Variants in KCNIP4 observed in about 807,000 individuals in gnomAD.
KCNIP4 encodes Kv channel-interacting protein 4.
In KCNIP4, 12 loss-of-function variants were observed where a neutral mutation model predicts 34.0. That is an observed-to-expected ratio of 0.35 (90% CI 0.23 to 0.57). KCNIP4 has a LOEUF of 0.57. KCNIP4 is among the 20% of genes least tolerant of loss of function. The pLI, the probability that KCNIP4 is intolerant of heterozygous loss-of-function variation, is 0.83. For synonymous variants in KCNIP4, 124 were observed against 102.2 expected, an observed-to-expected ratio of 1.21 and a Z score of -1.29; for missense variants, 238 against 311.7, an observed-to-expected ratio of 0.76 and a Z score of 1.78.
At chr4:20,861,185 A>T (rs922609629) in intron 2 of KCNIP4, among the ~76,000 whole-genome samples, 2 of 152,026 alleles carry the variant, frequency 1.3e-5, no homozygotes, top group African/African-American at 4.8e-5. Context: ...ATATCATTTG[A>T]CCTCCCTGGA....
intron 1 of KCNIP4, among the ~76,000 whole-genome samples, chr4:21,838,833 A>G (rs765471585): frequency 6.6e-5 from 10 of 152,206 alleles, no homozygotes; most frequent in Non-Finnish European, 1.0e-4. Flanking sequence ...TGCCCATATT[A>G]TATCTGATCA....
At chr4:21,590,088 T>G (rs1366977506) in intron 1 of KCNIP4, among the ~76,000 whole-genome samples, 1 of 151,968 alleles carries the variant, frequency 6.6e-6, no homozygotes, top group Non-Finnish European at 1.5e-5. Context: ...TCTTGATGTT[T>G]TAGTATAAAA....
chr4:21,200,298 GTGTATATATATACATACATATA>G (rs1756374011), intron 1 of KCNIP4, among the ~76,000 whole-genome samples: 2 of 142,794 alleles, frequency 1.4e-5, no homozygotes, highest in East Asian at 4.2e-4. Context: ...GTGTGTGTGT[GTGTATATATATACATACATATA>G]TGTGTGTATA....
chr4:21,621,956 G>A (rs1401834750), intron 1 of KCNIP4, among the ~76,000 whole-genome samples: 5 of 152,112 alleles, frequency 3.3e-5, no homozygotes, highest in Non-Finnish European at 5.9e-5. Flanking sequence ...AGAACCTAAA[G>A]GGATCCTCAC....
chr4:21,122,663 G>A (rs1328285733), intron 1 of KCNIP4, among the ~76,000 whole-genome samples: 2 of 152,116 alleles, frequency 1.3e-5, no homozygotes, highest in East Asian at 3.9e-4. Context: ...CAATAAACCT[G>A]GTATTCAAAC....
intron 3 of KCNIP4, 87 bp from the exon 4 acceptor site, chr4:20,758,977 A>G: frequency 2.1e-6 from 2 of 974,538 alleles, no homozygotes; most frequent in South Asian, 2.8e-5. Context: ...ACTGTCTACC[A>G]TGCAAAGCTG....
At chr4:21,634,566 G>C (rs928277064) in intron 1 of KCNIP4, among the ~76,000 whole-genome samples, 1 of 152,028 alleles carries the variant, frequency 6.6e-6, no homozygotes, top group African/African-American at 2.4e-5. Context: ...ATAAAGAAAG[G>C]ATGCAGAAAT....
intron 4 of KCNIP4, chr4:20,752,868 T>A (rs1753888970): frequency 6.6e-6 from 1 of 152,234 alleles, no homozygotes; most frequent in African/African-American, 2.4e-5. Flanking sequence ...ACTGTGTTCT[T>A]AAGCACTCAA....
intron 1 of KCNIP4, among the ~76,000 whole-genome samples, chr4:21,198,103 G>A (rs780863994): frequency 5.3e-5 from 8 of 152,226 alleles, no homozygotes; most frequent in Admixed American, 2.6e-4. Flanking sequence ...AGAAAATTCA[G>A]GTAAGGACCT....
At chr4:20,920,053 A>G (rs1259345993) in intron 1 of KCNIP4, among the ~76,000 whole-genome samples, 1 of 152,212 alleles carries the variant, frequency 6.6e-6, no homozygotes, top group East Asian at 1.9e-4. Flanking sequence ...AAAAATTTAA[A>G]TTACAGTATT....
At chr4:21,384,296 C>G (rs1276911976) in intron 1 of KCNIP4, among the ~76,000 whole-genome samples, 1 of 152,114 alleles carries the variant, frequency 6.6e-6, no homozygotes, top group East Asian at 1.9e-4. Context: ...TCTCTTTCTA[C>G]CCAAACTAAA....
intron 1 of KCNIP4, among the ~76,000 whole-genome samples, chr4:21,198,228 C>T (rs1756199458): frequency 6.6e-6 from 1 of 152,168 alleles, no homozygotes; most frequent in South Asian, 2.1e-4. Context: ...CTAAACTCTC[C>T]ATGGAGCCCT....
At chr4:21,638,683 C>A (rs1746399838) in intron 1 of KCNIP4, among the ~76,000 whole-genome samples, 2 of 152,108 alleles carry the variant, frequency 1.3e-5, no homozygotes, top group African/African-American at 2.4e-5. Context: ...GAGGTTTTGA[C>A]AGCCAAATAA....
At chr4:21,795,469 G>T (rs1335263321) in intron 1 of KCNIP4, among the ~76,000 whole-genome samples, 2 of 152,100 alleles carry the variant, frequency 1.3e-5, no homozygotes, top group Admixed American at 1.3e-4. Flanking sequence ...ATGTCTATGA[G>T]GCAAAGTGAT....
intron 1 of KCNIP4, among the ~76,000 whole-genome samples, chr4:21,234,885 T>G (rs1229401424): frequency 6.6e-6 from 1 of 151,952 alleles, no homozygotes; most frequent in East Asian, 1.9e-4. Flanking sequence ...AGACCTCAAG[T>G]GATCCACCCG....
chr4:21,090,104 C>T (rs1746856035), intron 1 of KCNIP4, among the ~76,000 whole-genome samples: 1 of 152,150 alleles, frequency 6.6e-6, no homozygotes, highest in Non-Finnish European at 1.5e-5. Flanking sequence ...AATCAGTAGC[C>T]CCTCTCCCCT....
intron 1 of KCNIP4, among the ~76,000 whole-genome samples, chr4:21,348,829 G>A (rs1046182319): frequency 1.1e-4 from 17 of 152,292 alleles, no homozygotes; most frequent in African/African-American, 4.1e-4. Flanking sequence ...TGCAGAAAAT[G>A]AGTGCCATGA....
intron 1 of KCNIP4, among the ~76,000 whole-genome samples, chr4:21,884,886 G>A (rs953049596): frequency 5.3e-4 from 81 of 152,084 alleles, no homozygotes; most frequent in African/African-American, 1.9e-3. Context: ...TCAGTGGCTC[G>A]TGGCTCCAGC....
intron 1 of KCNIP4, among the ~76,000 whole-genome samples, chr4:21,877,787 C>T (rs1369065212): frequency 6.6e-6 from 1 of 152,160 alleles, no homozygotes; most frequent in East Asian, 1.9e-4. Flanking sequence ...CTGTTTCTAA[C>T]CCTTCTCCTT....
Sources: allele counts gnomAD v4.1 joint callset (sites outside exome capture counted in the v4.1 genomes callset), GRCh38; gene constraint gnomAD v4.1.1; transcripts MANE v1.5; gene names NCBI Gene and HGNC (gene_info 2026-07-23, HGNC 2026-07-21).